Variants in ZNF385D observed in about 807,000 individuals in gnomAD.
The protein encoded by ZNF385D is zinc finger protein 659.
In ZNF385D, 15 loss-of-function variants were observed where a neutral mutation model predicts 35.8. That is an observed-to-expected ratio of 0.42 (90% CI 0.28 to 0.64). The LOEUF is 0.64. Ranked by LOEUF, ZNF385D falls within the 30% of genes least tolerant of loss-of-function variation. ZNF385D has a pLI of 0.23. For missense variants in ZNF385D, 474 were observed against 494.6 expected (o/e 0.96, Z 0.39); for synonymous variants, 212 against 186.8 (o/e 1.13, Z -1.10).
chr3:22,096,576 A>T (rs1026265710), intron 3 of ZNF385D, among the ~76,000 whole-genome samples: 2 of 152,082 alleles, frequency 1.3e-5, no homozygotes, highest in Non-Finnish European at 2.9e-5. Flanking sequence ...AGTGTTGAGG[A>T]GAAATTTTAT....
chr3:21,913,308 T>C (rs1015151016), intron 3 of ZNF385D, among the ~76,000 whole-genome samples: 5 of 152,114 alleles, frequency 3.3e-5, no homozygotes, highest in Non-Finnish European at 7.4e-5. Context: ...CTTCTAACTG[T>C]ACCCTCCTCA....
intron 4 of ZNF385D, among the ~76,000 whole-genome samples, chr3:21,454,251 G>C (rs9809197): frequency 0.33 from 49,466 of 151,968 alleles, 9,743 homozygotes; most frequent in African/African-American, 0.55. Flanking sequence ...TGCTGAAAAT[G>C]TTCTGGAATT....
intron 2 of ZNF385D, among the ~76,000 whole-genome samples, chr3:22,188,672 G>A (rs1285094011): frequency 5.9e-5 from 9 of 151,974 alleles, no homozygotes; most frequent in Admixed American, 6.6e-5. Flanking sequence ...GGATGGTCTC[G>A]ATCTCCTGAC....
chr3:21,961,194 G>T (rs1846166), intron 3 of ZNF385D, among the ~76,000 whole-genome samples: 103,972 of 151,804 alleles, frequency 0.68, 36,756 homozygotes, highest in Non-Finnish European at 0.77. Flanking sequence ...TGTGCAATTA[G>T]AATATGTCAA....
intron 3 of ZNF385D, among the ~76,000 whole-genome samples, chr3:21,820,702 G>C (rs1314769431): frequency 1.3e-5 from 2 of 151,386 alleles, no homozygotes; most frequent in East Asian, 3.9e-4. Context: ...TAGAGGGACT[G>C]TATAAATAAG....
At chr3:22,156,345 G>A (rs144394574) in intron 3 of ZNF385D, among the ~76,000 whole-genome samples, 1 of 151,998 alleles carries the variant, frequency 6.6e-6, no homozygotes, top group Non-Finnish European at 1.5e-5. Flanking sequence ...AGAATGCCAA[G>A]CAAAAGAGCA....
At chr3:21,769,107 G>C (rs1036095099) in intron 3 of ZNF385D, among the ~76,000 whole-genome samples, 5 of 151,904 alleles carry the variant, frequency 3.3e-5, no homozygotes, top group African/African-American at 9.7e-5. Flanking sequence ...GGCCCTTTCT[G>C]CATCTATTGA....
At chr3:21,617,529 A>T (rs2064882054) in intron 2 of ZNF385D, among the ~76,000 whole-genome samples, 1 of 152,188 alleles carries the variant, frequency 6.6e-6, no homozygotes, top group African/African-American at 2.4e-5. Context: ...AGTTCACTTC[A>T]TCCTCGGAAC....
At chr3:22,208,595 C>T (rs1284138984) in intron 2 of ZNF385D, among the ~76,000 whole-genome samples, 1 of 151,498 alleles carries the variant, frequency 6.6e-6, no homozygotes, top group East Asian at 1.9e-4. Flanking sequence ...AGGATAAATG[C>T]TTGATGTAAT....
chr3:22,259,877 T>A (rs759227597), intron 2 of ZNF385D, among the ~76,000 whole-genome samples: 2 of 151,154 alleles, frequency 1.3e-5, no homozygotes, highest in Admixed American at 1.3e-4. Context: ...ATTCCAAAAA[T>A]AGTTCCCCCT....
chr3:22,276,879 T>G (rs989534124), intron 2 of ZNF385D, among the ~76,000 whole-genome samples: 1 of 152,162 alleles, frequency 6.6e-6, no homozygotes. Flanking sequence ...CTAAAATTTT[T>G]ATATCTGAAA....
intron 1 of ZNF385D, among the ~76,000 whole-genome samples, chr3:21,746,691 GTT>G: frequency 6.6e-6 from 1 of 152,210 alleles, no homozygotes. Context: ...GTGGCTGAGT[GTT>G]TAGAAATAGT....
intron 4 of ZNF385D, among the ~76,000 whole-genome samples, chr3:21,467,624 C>A (rs929571168): frequency 6.6e-6 from 1 of 152,134 alleles, no homozygotes; most frequent in Non-Finnish European, 1.5e-5. Flanking sequence ...TCAATGGCAT[C>A]TTTTTGTGGT....
At chr3:22,311,326 C>A (rs976950270) in intron 2 of ZNF385D, among the ~76,000 whole-genome samples, 3 of 151,900 alleles carry the variant, frequency 2.0e-5, no homozygotes, top group Non-Finnish European at 4.4e-5. Context: ...GAGTGTGATT[C>A]TTTTTCTCTC....
chr3:21,634,552 A>T (rs995778811), intron 2 of ZNF385D, among the ~76,000 whole-genome samples: 1 of 152,036 alleles, frequency 6.6e-6, no homozygotes, highest in Non-Finnish European at 1.5e-5. Context: ...AGTATTTAAG[A>T]AGTACTTATC....
At chr3:21,678,177 T>A (rs2125303990) in intron 1 of ZNF385D, among the ~76,000 whole-genome samples, 1 of 152,218 alleles carries the variant, frequency 6.6e-6, no homozygotes, top group East Asian at 1.9e-4. Flanking sequence ...AGTTTCCTTA[T>A]ACCTCTGGCA....
chr3:21,810,248 G>A (rs1460477886), intron 3 of ZNF385D, among the ~76,000 whole-genome samples: 1 of 152,012 alleles, frequency 6.6e-6, no homozygotes, highest in Admixed American at 6.6e-5. Context: ...TTAAAAATCA[G>A]TGAATCTAAA....
chr3:22,214,377 T>C (rs1252620909), intron 2 of ZNF385D, among the ~76,000 whole-genome samples: 1 of 152,026 alleles, frequency 6.6e-6, no homozygotes, highest in Non-Finnish European at 1.5e-5. Context: ...GTAGGGCATG[T>C]GTGTTTGAAC....
rs865894286 is a variant in ZNF385D, at chr3:22,030,282, T to A, written c.325+138535A>T. Among the ~76,000 whole-genome samples the A allele has an allele frequency of 8.7e-5, 10 of 114,518 alleles. 1 individual carries two copies. The highest frequency in any genetic ancestry group is 3.6e-4 in the African/African-American group (10 of 28,160). 75.1% of individuals were successfully genotyped at this position (114,518 alleles called of 152,430 possible). ...ATATATATATATATATATATATATA[T>A]ATATATATATATATATATATCCTAT... On this transcript the variant is annotated intron_variant, in intron 3 of 5. Transcript: ENST00000494108.
Sources: allele counts gnomAD v4.1 joint callset (sites outside exome capture counted in the v4.1 genomes callset), GRCh38; gene constraint gnomAD v4.1.1; transcripts MANE v1.5; gene names NCBI Gene and HGNC (gene_info 2026-07-23, HGNC 2026-07-21).